DYDC2: variants seen among roughly 807,000 people sequenced by gnomAD.
DYDC2 encodes the protein DPY30 domain containing 2.
DYDC2 carries 19 observed loss-of-function variants against 18.7 expected under a neutral mutation model. The observed-to-expected ratio is 1.02, with a 90% CI of 0.71 to 1.49. The LOEUF (loss-of-function observed/expected upper bound fraction) is 1.49, where lower values mean the gene tolerates loss of function less well. Ranked by LOEUF, DYDC2 falls within the 40% of genes most tolerant of loss-of-function variation. The pLI is 0.00. For missense variants in DYDC2, 179 were observed against 205.1 expected, an observed-to-expected ratio of 0.87 and a Z score of 0.78; for synonymous variants, 63 against 67.6, an observed-to-expected ratio of 0.93 and a Z score of 0.34.
upstream of DYDC2, chr10:80,356,394 G>A (rs1362619005): frequency 1.1e-5 from 11 of 985,574 alleles, no homozygotes; most frequent in South Asian, 3.8e-4. Context: ...AGCCAACTGG[G>A]CGGGGGCACC....
In DYDC2 at chr10:80,367,351, G is replaced by T; in HGVS notation, c.*400G>T. The stretch of plus-strand genomic sequence containing the variant: ...GGGCCAATGCTAGTATGGAGGCTGT[G>T]AAGTCCCCAAGCTCTGGAAGCCCAC... On this transcript the variant is annotated 3_prime_UTR_variant, in exon 5 of 5. Transcript: ENST00000256039. 1 of 163,516 alleles carries T rather than the reference G, an allele frequency of 6.1e-6. No individual in the cohort carries two copies. Among genetic ancestry groups the T allele is most frequent in the South Asian group, 1.7e-4 (1 of 5,858 alleles). The allele number at this position is 163,516 out of a possible 1,614,324, so 10.1% of individuals were successfully genotyped here.
At chr10:80,349,912 G>A (rs1842885731) in intron 1 of DYDC2, among the ~76,000 whole-genome samples, 1 of 152,192 alleles carries the variant, frequency 6.6e-6, no homozygotes, top group Non-Finnish European at 1.5e-5. Flanking sequence ...GGCTTGTGGA[G>A]AGTGCCTAAA....
At chr10:80,350,807 A>C (rs1842935429) in intron 1 of DYDC2, among the ~76,000 whole-genome samples, 1 of 152,206 alleles carries the variant, frequency 6.6e-6, no homozygotes. Context: ...TCTATAAATT[A>C]AATCAGTCCA....
chr10:80,354,189 A>C (rs1192767433), upstream of DYDC2, among the ~76,000 whole-genome samples: 1 of 151,242 alleles, frequency 6.6e-6, no homozygotes, highest in Non-Finnish European at 1.5e-5. Flanking sequence ...TGTTAAACAA[A>C]TGTATAATGA....
At chr10:80,360,654 A>G (rs1564673211) in intron 2 of DYDC2, among the ~76,000 whole-genome samples, 2 of 152,190 alleles carry the variant, frequency 1.3e-5, no homozygotes, top group Non-Finnish European at 2.9e-5. Context: ...CAAAATTAAG[A>G]AATTTAACTT....
intron 1 of DYDC2, among the ~76,000 whole-genome samples, chr10:80,350,784 A>C (rs1057381856): frequency 1.3e-5 from 2 of 152,214 alleles, no homozygotes; most frequent in Admixed American, 6.5e-5. Flanking sequence ...GCTTAAATTT[A>C]GCTTAGAAGC....
At chr10:80,356,505 A>C (rs2132869290), upstream of DYDC2, 3 of 985,440 alleles carry the variant, frequency 3.0e-6, no homozygotes, top group South Asian at 1.4e-4. Context: ...CGCAGCCCGC[A>C]GGAGACGCAG....
chr10:80,350,283 T>C (rs1331971562), intron 1 of DYDC2, among the ~76,000 whole-genome samples: 2 of 152,226 alleles, frequency 1.3e-5, no homozygotes, highest in South Asian at 4.1e-4. Flanking sequence ...AAATTATGCA[T>C]AAGTAGGATA....
chr10:80,362,767 A>G (rs1538819), intron 3 of DYDC2, among the ~76,000 whole-genome samples, 177 bp downstream of exon 3: 114,763 of 152,034 alleles, frequency 0.75, 44,217 homozygotes, highest in East Asian at 0.97. Context: ...AGAGGAGTGG[A>G]GCTTCAACTC....
intron 4 of DYDC2, among the ~76,000 whole-genome samples, chr10:80,364,148 G>C (rs143104812): frequency 6.6e-6 from 1 of 152,226 alleles, no homozygotes; most frequent in African/African-American, 2.4e-5. Flanking sequence ...TAGCTTCCAA[G>C]CCAATTTGAA....
intron 4 of DYDC2, 53 bp downstream of exon 4, chr10:80,363,126 C>G (rs544093696): frequency 6.4e-7 from 1 of 1,572,780 alleles, no homozygotes; most frequent in Non-Finnish European, 8.6e-7. Context: ...GTGATGGACT[C>G]CAGGAAAGCC....
intron 1 of DYDC2, among the ~76,000 whole-genome samples, chr10:80,346,257 G>A (rs2132785458): frequency 6.6e-6 from 1 of 152,196 alleles, no homozygotes; most frequent in East Asian, 1.9e-4. Context: ...GTCTCTATAA[G>A]GTGCTGGTTT....
In DYDC2 at chr10:80,360,763, C is replaced by CT. The variant is rs3038615; in HGVS notation, c.-9-1657dup. On this transcript the variant is annotated intron_variant, in intron 2 of 4. Transcript: ENST00000256039. ...TTCTTTCTTCTTCTTTTCTTTCTTTCTTTTTTTTTTTTTTTAGACAGGGTC... is the reference window on the plus strand; with the variant it reads ...TTCTTTCTTCTTCTTTTCTTTCTTTCTTTTTTTTTTTTTTTTAGACAGGGTC... Among the ~76,000 whole-genome samples, 619 of 139,642 alleles carry CT rather than the reference C, an allele frequency of 4.4e-3. 3 individuals are homozygous for CT. The highest frequency in any genetic ancestry group is 0.012 in the African/African-American group (472 of 38,498). The allele number at this position is 139,642 out of a possible 152,430, so 91.6% of individuals were successfully genotyped here. A position where few individuals can be genotyped will look rare whatever the true frequency, so the allele number is the denominator to read the frequency against.
At position 80,358,039 on chromosome 10, in the gene DYDC2, C is replaced by G; in HGVS notation, c.-16C>G. On this transcript the variant is annotated 5_prime_UTR_variant, in exon 2 of 5. Transcript: ENST00000256039. ...GAAACACTGAAAAATAGCCTCTCCC[C>G]CCATTGGTGAGTGTACCCTAAGTTG... 1 of 985,552 alleles carries G rather than the reference C, an allele frequency of 1.0e-6. No individual in the cohort carries two copies. Among genetic ancestry groups the G allele is most frequent in the Non-Finnish European group, 1.2e-6 (1 of 830,068 alleles). The allele number at this position is 985,552 out of a possible 1,614,324, so 61.1% of individuals were successfully genotyped here.
At chr10:80,356,699 C>T (rs1175741880), upstream of DYDC2, 6 of 984,262 alleles carry the variant, frequency 6.1e-6, no homozygotes, top group East Asian at 2.3e-4. Flanking sequence ...TCGGGCCTTT[C>T]CGGTGCGCTC....
chr10:80,365,417 A>C (rs972510727), intron 4 of DYDC2, among the ~76,000 whole-genome samples: 1 of 152,242 alleles, frequency 6.6e-6, no homozygotes, highest in Admixed American at 6.5e-5. Context: ...TTTGTTTCTG[A>C]GTCAGAAGAA....
At chr10:80,366,024 T>G (rs1843824509) in intron 4 of DYDC2, among the ~76,000 whole-genome samples, 1 of 133,714 alleles carries the variant, frequency 7.5e-6, no homozygotes, top group South Asian at 2.3e-4. Context: ...ACCTTTTTCT[T>G]TCTCTTTTTT....
At chr10:80,359,908 C>T (rs1589531883) in intron 2 of DYDC2, among the ~76,000 whole-genome samples, 2 of 152,286 alleles carry the variant, frequency 1.3e-5, no homozygotes, top group South Asian at 2.1e-4. Flanking sequence ...CGGCTCCGGC[C>T]TTGGCCAGCC....
In DYDC2 at chr10:80,366,890, A is replaced by G. The variant is rs576335600; in HGVS notation, c.473A>G (p.Lys158Arg). ...NFKMPQEINY[K>R]EAFQHEVAHE... is the part of the protein sequence containing the mutation. ...AAAATGCCACAAGAAATAAATTACAAGGAGGCTTTTCAGCATGAAGTTGCT... is the reference window on the plus strand; with the variant it reads ...AAAATGCCACAAGAAATAAATTACAGGGAGGCTTTTCAGCATGAAGTTGCT... The change falls in exon 5 of 5, where the codon AAG becomes AGG. Residue 158 changes from lysine to arginine, a missense_variant. Lys to Arg is a conservative substitution (Grantham distance 26). Transcript: ENST00000256039. 2 of 1,614,148 alleles carry G rather than the reference A, an allele frequency of 1.2e-6. No individual in the cohort carries two copies. The highest frequency in any genetic ancestry group is 1.7e-5 in the Admixed American group (1 of 60,014).
Sources: gnomAD v4.1 joint callset for allele counts (sites outside exome capture counted in the v4.1 genomes callset) on GRCh38, gnomAD v4.1.1 for gene constraint, MANE v1.5 for transcripts, NCBI Gene and HGNC (gene_info 2026-07-23, HGNC 2026-07-21) for gene names.